The following TMC2 variants were observed in gnomAD, a reference collection of about 807,000 sequenced individuals.
The protein encoded by TMC2 is transmembrane channel-like protein 2.
TMC2 carries 102 observed loss-of-function variants against 105.9 expected under a neutral mutation model. The ratio of observed to expected loss-of-function variants is 0.96; its 90% confidence interval spans 0.82 to 1.14. The LOEUF (loss-of-function observed/expected upper bound fraction) is 1.14. TMC2 is among the 50% of genes most tolerant of loss of function. TMC2 has a pLI of 0.00. For missense variants in TMC2, 1,093 were observed against 1,134.3 expected (o/e 0.96, Z 0.52); for synonymous variants, 402 against 422.8 (o/e 0.95, Z 0.60).
At chr20:2,537,232 G>A (rs1381550145) in intron 1 of TMC2, 37 bp from the exon 2 acceptor site, 1 of 1,580,536 alleles carries the variant, frequency 6.3e-7, no homozygotes. Context: ...GGACTCACCA[G>A]AGGCCAGCCA....
At chr20:2,569,747 C>CA (rs773208030) in intron 4 of TMC2, among the ~76,000 whole-genome samples, 1 of 152,186 alleles carries the variant, frequency 6.6e-6, no homozygotes, top group Non-Finnish European at 1.5e-5. Context: ...TTCAGGGTCT[C>CA]ATCACACCAA....
intron 17 of TMC2, among the ~76,000 whole-genome samples, chr20:2,635,145 C>T (rs910275): frequency 0.43 from 66,045 of 152,094 alleles, 16,007 homozygotes; most frequent in East Asian, 0.55. Context: ...GTAGTACAGT[C>T]CAGGTCATAA....
At chr20:2,572,809 T>C (rs2086113237) in intron 5 of TMC2, among the ~76,000 whole-genome samples, 1 of 152,224 alleles carries the variant, frequency 6.6e-6, no homozygotes, top group Non-Finnish European at 1.5e-5. Context: ...ATTCACTTAA[T>C]TCTTGTACAG....
intron 17 of TMC2, among the ~76,000 whole-genome samples, chr20:2,635,218 C>T (rs2086633059): frequency 2.0e-5 from 3 of 152,182 alleles, no homozygotes; most frequent in Admixed American, 2.0e-4. Flanking sequence ...CACCCGATCA[C>T]CTAGTGAGCC....
At chr20:2,557,621 C>T (rs1438314617) in intron 2 of TMC2, among the ~76,000 whole-genome samples, 7 of 152,160 alleles carry the variant, frequency 4.6e-5, no homozygotes, top group African/African-American at 1.7e-4. Context: ...ACCTCCACCT[C>T]CCGGGTTCAA....
At chr20:2,562,368 G>C (rs2086033399) in intron 4 of TMC2, among the ~76,000 whole-genome samples, 1 of 152,218 alleles carries the variant, frequency 6.6e-6, no homozygotes, top group Non-Finnish European at 1.5e-5. Flanking sequence ...TTCTCCTCAA[G>C]AGCAGCTCTC....
intron 16 of TMC2, among the ~76,000 whole-genome samples, chr20:2,622,642 C>T (rs1264174050): frequency 6.6e-6 from 1 of 151,626 alleles, no homozygotes; most frequent in East Asian, 1.9e-4. Context: ...GATTGCACCA[C>T]TGCACTCCAG....
At chr20:2,537,916 G>A (rs1391088515) in intron 2 of TMC2, among the ~76,000 whole-genome samples, 1 of 152,124 alleles carries the variant, frequency 6.6e-6, no homozygotes, top group African/African-American at 2.4e-5. Context: ...TTATGGATGC[G>A]ATGCTGTTTT....
chr20:2,593,798 A>G (rs535892356), intron 8 of TMC2, among the ~76,000 whole-genome samples: 4 of 151,982 alleles, frequency 2.6e-5, no homozygotes, highest in Non-Finnish European at 5.9e-5. Flanking sequence ...TCACTCCCCT[A>G]CCTCAAATTT....
In TMC2 at chr20:2,609,066, G is replaced by A. The variant is rs1431909959; in HGVS notation, c.1414-1353G>A. Among the ~76,000 whole-genome samples, 3 of 152,220 alleles carry A rather than the reference G, an allele frequency of 2.0e-5. No homozygotes were observed. In the East Asian group the frequency reaches 5.8e-4, roughly 29 times the overall value. On this transcript the variant is annotated intron_variant, in intron 11 of 19. Transcript: ENST00000358864. ...CACTATGGCAGGGTAGGCATCCTTA[G>A]TCCTAGTTTTCACATAAATATCTGA...
intron 4 of TMC2, among the ~76,000 whole-genome samples, chr20:2,565,125 T>A (rs2086054788): frequency 6.6e-6 from 1 of 152,354 alleles, no homozygotes; most frequent in Non-Finnish European, 1.5e-5. Context: ...CTTGACTGGA[T>A]GCTGTTCTTG....
chr20:2,545,853 GAGAAAGAAAGAAAA>G (rs1304508313), intron 2 of TMC2, among the ~76,000 whole-genome samples: 18 of 60,448 alleles, frequency 3.0e-4, no homozygotes, highest in Non-Finnish European at 5.2e-4. Flanking sequence ...AAGAAAGAAA[GAGAAAGAAAGAAAA>G]AGAAAGAAAG....
rs960676524 is a variant in TMC2, at chr20:2,558,325, T to C, written c.83-131T>C. The C allele has an allele frequency of 2.0e-6, 3 of 1,473,072 alleles. No homozygotes were observed. The African/African-American group carries it at 4.3e-5, about 21-fold the overall frequency. The allele number at this position is 1,473,072 out of a possible 1,614,324, so 91.3% of individuals were successfully genotyped here. A position where few individuals can be genotyped will look rare whatever the true frequency, so the allele number is the denominator to read the frequency against. ...TGCCAAGGTGCCATACTTTGGGGTG[T>C]CCTGTTCTGAGCCCCGCAGAGCTCA... On this transcript the variant is annotated intron_variant, in intron 2 of 19. Transcript: ENST00000358864. The surrounding 1 kb of genome is among the most constrained non-coding windows in gnomAD (Gnocchi z 4.6).
intron 4 of TMC2, among the ~76,000 whole-genome samples, chr20:2,566,362 C>T (rs1036847712): frequency 6.6e-6 from 1 of 152,158 alleles, no homozygotes; most frequent in Non-Finnish European, 1.5e-5. Context: ...CTATGCTGAG[C>T]CCTGAGAGAT....
intron 10 of TMC2, among the ~76,000 whole-genome samples, chr20:2,598,750 GT>G (rs1555775067): frequency 6.6e-6 from 1 of 152,054 alleles, no homozygotes; most frequent in East Asian, 1.9e-4. Flanking sequence ...CTAAACAAGA[GT>G]TTTTTTCATG....
intron 7 of TMC2, among the ~76,000 whole-genome samples, chr20:2,589,960 C>T (rs58899885): frequency 0.012 from 1,780 of 152,220 alleles, 34 homozygotes; most frequent in African/African-American, 0.04. Flanking sequence ...TGAGCCACCG[C>T]GCATGGCCGG....
Position 2,616,133 on chromosome 20 carries a change from C to T in TMC2, c.1873-4C>T, listed in dbSNP as rs368052146. 205 of 1,611,578 alleles carry T rather than the reference C, an allele frequency of 1.3e-4. No homozygotes were observed. The highest frequency in any genetic ancestry group is 4.0e-4 in the Admixed American group (24 of 59,974). On this transcript the variant is annotated splice_polypyrimidine_tract_variant and splice_region_variant and intron_variant, in intron 14 of 19. Coordinates refer to ENST00000358864, the MANE Select transcript of TMC2 (RefSeq NM_080751.3). The surrounding 1 kb of genome is among the most constrained non-coding windows in gnomAD (Gnocchi z 4.8). ...TCTCTCTCGCTCCCTCCCTCCCTCT[C>T]TAGCCTTCATATGCTGAGTTTGATA...
At chr20:2,563,618 T>C (rs1194319132) in intron 4 of TMC2, among the ~76,000 whole-genome samples, 3 of 152,238 alleles carry the variant, frequency 2.0e-5, no homozygotes, top group Admixed American at 6.5e-5. Flanking sequence ...ATTATAAGTG[T>C]TCTCACCACA....
chr20:2,607,204 G>C (rs933379980), intron 11 of TMC2, among the ~76,000 whole-genome samples: 1 of 152,212 alleles, frequency 6.6e-6, no homozygotes, highest in East Asian at 1.9e-4. Flanking sequence ...CATGGTTCAG[G>C]ATGACTTTCC....
Sources: allele counts gnomAD v4.1 joint callset (sites outside exome capture counted in the v4.1 genomes callset), GRCh38; gene constraint gnomAD v4.1.1; non-coding constraint Gnocchi (gnomAD v3.1); transcripts MANE v1.5; gene names NCBI Gene and HGNC (gene_info 2026-07-23, HGNC 2026-07-21).